Variants in AGBL4 observed in about 807,000 individuals in gnomAD.
AGBL4 encodes cytosolic carboxypeptidase 6.
AGBL4 carries 58 observed loss-of-function variants against 66.4 expected under a neutral mutation model. That is an observed-to-expected ratio of 0.87 (90% CI 0.71 to 1.09). The LOEUF (loss-of-function observed/expected upper bound fraction) is 1.09. Among genes scored for constraint, AGBL4 ranks in the 50% least tolerant of loss-of-function variants. The probability of loss-of-function intolerance (pLI) is 0.00; values close to 1 mark genes in which losing one functional copy is unlikely to be tolerated. For synonymous variants in AGBL4, 234 were observed against 222.9 expected, an observed-to-expected ratio of 1.05 and a Z score of -0.44; for missense variants, 579 against 631.0, an observed-to-expected ratio of 0.92 and a Z score of 0.88.
At chr1:48,656,892 G>C (rs541206002) in intron 7 of AGBL4, among the ~76,000 whole-genome samples, 1 of 152,096 alleles carries the variant, frequency 6.6e-6, no homozygotes. Flanking sequence ...TGGGTGATGG[G>C]ATCATTAGAA....
intron 8 of AGBL4, among the ~76,000 whole-genome samples, chr1:48,643,104 C>T (rs1226345008): frequency 2.6e-5 from 4 of 152,216 alleles, no homozygotes; most frequent in Admixed American, 1.3e-4. Flanking sequence ...ATAAGTGCTA[C>T]ACATGTTAGC....
chr1:49,707,649 G>A (rs760054424), intron 2 of AGBL4, among the ~76,000 whole-genome samples: 4 of 151,902 alleles, frequency 2.6e-5, no homozygotes, highest in East Asian at 1.9e-4. Context: ...TCATAGTGTC[G>A]ATGGTCTCTA....
At chr1:49,355,850 G>A (rs1325997523) in intron 3 of AGBL4, among the ~76,000 whole-genome samples, 3 of 152,108 alleles carry the variant, frequency 2.0e-5, no homozygotes, top group South Asian at 2.1e-4. Flanking sequence ...AGAGCAATGA[G>A]TATGTAGCAT....
intron 3 of AGBL4, among the ~76,000 whole-genome samples, chr1:49,438,729 A>G (rs1365438459): frequency 6.6e-6 from 1 of 152,202 alleles, no homozygotes; most frequent in Non-Finnish European, 1.5e-5. Flanking sequence ...AATTGTATAG[A>G]AAGACAAATA....
intron 4 of AGBL4, among the ~76,000 whole-genome samples, chr1:49,048,019 TG>T (rs1644121995): frequency 6.6e-6 from 1 of 152,130 alleles, no homozygotes; most frequent in Non-Finnish European, 1.5e-5. Context: ...TGAGGCAGGC[TG>T]GTGGCATACA....
At chr1:48,972,171 C>A (rs1157607479) in intron 5 of AGBL4, among the ~76,000 whole-genome samples, 1 of 152,090 alleles carries the variant, frequency 6.6e-6, no homozygotes, top group African/African-American at 2.4e-5. Context: ...GTGCTTTTTT[C>A]ATGAAAAGTC....
At chr1:49,242,742 T>C (rs1357115944) in intron 4 of AGBL4, among the ~76,000 whole-genome samples, 1 of 151,890 alleles carries the variant, frequency 6.6e-6, no homozygotes, top group Non-Finnish European at 1.5e-5. Context: ...GTAAATAAAA[T>C]TGGAGTGAAC....
intron 3 of AGBL4, among the ~76,000 whole-genome samples, chr1:49,574,760 GC>G (rs903164037): frequency 6.6e-6 from 1 of 152,056 alleles, no homozygotes; most frequent in African/African-American, 2.4e-5. Flanking sequence ...GTCATGGACA[GC>G]AGAGGCAAAG....
In AGBL4 at chr1:49,253,554, C is replaced by G. The variant is rs201935705; in HGVS notation, c.283-7690G>C. On this transcript the variant is annotated intron_variant, in intron 3 of 13. Coordinates refer to ENST00000371839, the MANE Select transcript of AGBL4 (RefSeq NM_032785.4). ...TACATAGCCTACCAACCAAAAAAAG[C>G]TGGGGACCAGATGGATTCACAGCTG... Among the ~76,000 whole-genome samples, 20 of 152,174 alleles carry G rather than the reference C, an allele frequency of 1.3e-4. No homozygotes were observed. The East Asian group carries it at 2.1e-3, about 16-fold the overall frequency.
chr1:49,359,753 GC>G (rs1440669325), intron 3 of AGBL4, among the ~76,000 whole-genome samples: 1 of 152,084 alleles, frequency 6.6e-6, no homozygotes, highest in Non-Finnish European at 1.5e-5. Flanking sequence ...GTGAAATAAA[GC>G]TTTTTTACCC....
At chr1:48,681,709 C>G (rs1224060826) in intron 6 of AGBL4, among the ~76,000 whole-genome samples, 2 of 152,206 alleles carry the variant, frequency 1.3e-5, no homozygotes, top group Non-Finnish European at 2.9e-5. Flanking sequence ...AAACAGTAGA[C>G]CCGGTCCAGG....
At chr1:49,887,040 G>A (rs1648107797) in intron 1 of AGBL4, among the ~76,000 whole-genome samples, 1 of 151,720 alleles carries the variant, frequency 6.6e-6, no homozygotes, top group Non-Finnish European at 1.5e-5. Context: ...GATAAGTGCT[G>A]GAGATCCAGA....
At chr1:48,793,371 T>C (rs1570687338) in intron 6 of AGBL4, among the ~76,000 whole-genome samples, 1 of 152,164 alleles carries the variant, frequency 6.6e-6, no homozygotes, top group African/African-American at 2.4e-5. Flanking sequence ...AGCTCTCTTA[T>C]AGCAGCGCCC....
At position 48,906,704 on chromosome 1, in the gene AGBL4, A is replaced by G. The variant is rs183724567; in HGVS notation, c.595-39474T>C. Among the ~76,000 whole-genome samples the G allele has an allele frequency of 1.2e-4, 18 of 152,242 alleles. 1 individual carries two copies. In the East Asian group the frequency reaches 3.3e-3, roughly 28 times the overall value. On this transcript the variant is annotated intron_variant, in intron 5 of 13. Transcript: ENST00000371839. ...TGTGAGAAAGGTAAAAGGAGGTAAA[A>G]ATTTATCTAATTTGGTTATTTCCTG... is the stretch of plus-strand genomic sequence containing the variant.
chr1:49,478,735 G>A (rs1021970503), intron 3 of AGBL4, among the ~76,000 whole-genome samples: 5 of 152,002 alleles, frequency 3.3e-5, no homozygotes, highest in Non-Finnish European at 7.4e-5. Context: ...CCACTCTTAC[G>A]TAGAAAGACT....
At chr1:49,370,078 T>G (rs952185228) in intron 3 of AGBL4, among the ~76,000 whole-genome samples, 1 of 147,930 alleles carries the variant, frequency 6.8e-6, no homozygotes, top group African/African-American at 2.5e-5. Context: ...CACACACATA[T>G]ATAATTAGAT....
At chr1:49,593,962 G>A (rs1458635425) in intron 3 of AGBL4, among the ~76,000 whole-genome samples, 1 of 152,070 alleles carries the variant, frequency 6.6e-6, no homozygotes, top group Non-Finnish European at 1.5e-5. Flanking sequence ...TAATATATAT[G>A]GAAGTATATA....
intron 1 of AGBL4, chr1:49,994,382 TAGAC>T (rs765561042): frequency 4.0e-5 from 5 of 125,102 alleles, no homozygotes; most frequent in South Asian, 2.3e-4. Context: ...GGGGGAAAAA[TAGAC>T]AGAATGAGGA....
chr1:48,898,133 GCTT>G (rs1350182648), intron 5 of AGBL4, among the ~76,000 whole-genome samples: 2 of 151,886 alleles, frequency 1.3e-5, no homozygotes, highest in Non-Finnish European at 2.9e-5. Context: ...TGATTATTTG[GCTT>G]TTGTTTTTTT....
Sources: gnomAD v4.1 joint callset for allele counts (sites outside exome capture counted in the v4.1 genomes callset) on GRCh38, gnomAD v4.1.1 for gene constraint, MANE v1.5 for transcripts, NCBI Gene and HGNC (gene_info 2026-07-23, HGNC 2026-07-21) for gene names.